RNF135: variants seen among roughly 807,000 people sequenced by gnomAD.
The protein encoded by RNF135 is ring finger protein 135.
RNF135 carries 46 observed loss-of-function variants against 41.9 expected under a neutral mutation model. The observed-to-expected ratio is 1.10, with a 90% CI of 0.87 to 1.40. The LOEUF (loss-of-function observed/expected upper bound fraction) is 1.40. Ranked by LOEUF, RNF135 falls within the 40% of genes most tolerant of loss-of-function variation. RNF135 has a pLI of 0.00. For synonymous variants in RNF135, 238 were observed against 223.8 expected, an observed-to-expected ratio of 1.06 and a Z score of -0.57; for missense variants, 539 against 549.8, an observed-to-expected ratio of 0.98 and a Z score of 0.20.
chr17:30,960,720 AT>A, the RNF135 span, among the ~76,000 whole-genome samples: 707 of 126,974 alleles, frequency 5.6e-3, 8 homozygotes, highest in African/African-American at 0.034. Flanking sequence ...ATTTTATTTT[AT>A]TTTATTTTAT....
chr17:30,983,342 TATATATA>T (rs1213627094), intron 1 of RNF135, among the ~76,000 whole-genome samples: 3,634 of 37,668 alleles, frequency 0.096, 192 homozygotes, highest in East Asian at 0.23. Context: ...TATATATATA[TATATATA>T]TATATTTTTT....
intron 2 of RNF135, among the ~76,000 whole-genome samples, chr17:30,985,949 C>T (rs1907551653): frequency 6.6e-6 from 1 of 152,174 alleles, no homozygotes. Context: ...GAATGCTCTC[C>T]TTTCCCTCCA....
intron 3 of RNF135, chr17:30,993,762 T>C: frequency 1.0e-6 from 1 of 981,682 alleles, no homozygotes; most frequent in Non-Finnish European, 1.5e-6. Flanking sequence ...AAAAAATTTT[T>C]TTCCTTTCTT....
At chr17:30,976,148 G>C (rs1206107245) in intron 1 of RNF135, among the ~76,000 whole-genome samples, 1 of 152,154 alleles carries the variant, frequency 6.6e-6, no homozygotes, top group Non-Finnish European at 1.5e-5. Flanking sequence ...TGGGATTACA[G>C]GCACACGCCA....
At chr17:30,971,022 G>C (rs1403659103), upstream of RNF135, 1 of 1,532,276 alleles carries the variant, frequency 6.5e-7, no homozygotes, top group Non-Finnish European at 8.7e-7. Context: ...AGGAGCCTGA[G>C]GAGACTCGCC....
At chr17:30,964,419 T>C in the RNF135 span, among the ~76,000 whole-genome samples, 20 of 144,896 alleles carry the variant, frequency 1.4e-4, no homozygotes, top group East Asian at 1.0e-3. Context: ...AAAAAGAATT[T>C]AGTAAAAACA....
At chr17:30,972,766 T>G (rs529334936) in intron 1 of RNF135, 84 of 152,424 alleles carry the variant, frequency 5.5e-4, no homozygotes, top group African/African-American at 2.0e-3. Context: ...TGGGTGGATG[T>G]GCCACATTTT....
upstream of RNF135, among the ~76,000 whole-genome samples, chr17:30,966,336 T>A (rs1218647590): frequency 2.1e-5 from 3 of 143,020 alleles, no homozygotes; most frequent in East Asian, 5.8e-4. Flanking sequence ...TTATTTGATC[T>A]TTTTTAATTT....
At chr17:30,990,863 C>T (rs1170202254) in intron 3 of RNF135, among the ~76,000 whole-genome samples, 1 of 152,144 alleles carries the variant, frequency 6.6e-6, no homozygotes, top group Non-Finnish European at 1.5e-5. Context: ...CTCAGTATTC[C>T]AATATCTGGG....
chr17:30,988,157 A>G, intron 3 of RNF135, 51 bp downstream of exon 3: 1 of 1,545,676 alleles, frequency 6.5e-7, no homozygotes, highest in Non-Finnish European at 8.9e-7. Flanking sequence ...AGTTGGGGGG[A>G]GTAGCAGAGT....
chr17:30,967,845 G>A (rs1905614238), upstream of RNF135, among the ~76,000 whole-genome samples: 1 of 152,028 alleles, frequency 6.6e-6, no homozygotes, highest in South Asian at 2.1e-4. Flanking sequence ...GGGATTACAG[G>A]TGCCTGCAAC....
At chr17:30,988,711 C>T (rs1308993619) in intron 3 of RNF135, among the ~76,000 whole-genome samples, 2 of 150,880 alleles carry the variant, frequency 1.3e-5, no homozygotes, top group East Asian at 3.9e-4. Context: ...CAGGCGTGAG[C>T]CACCGTGCCT....
intron 1 of RNF135, among the ~76,000 whole-genome samples, chr17:30,977,683 C>T (rs765784051): frequency 2.4e-4 from 36 of 151,990 alleles, no homozygotes; most frequent in Non-Finnish European, 4.6e-4. Context: ...ATTCTCCTGC[C>T]GCAGCCTCTG....
At chr17:30,981,495 T>C (rs1029873798) in intron 1 of RNF135, among the ~76,000 whole-genome samples, 3 of 152,270 alleles carry the variant, frequency 2.0e-5, no homozygotes, top group African/African-American at 7.2e-5. Context: ...TTAAATCAGC[T>C]ATTTTGAATT....
the RNF135 span, among the ~76,000 whole-genome samples, chr17:30,965,832 T>G: frequency 6.6e-6 from 1 of 150,854 alleles, no homozygotes; most frequent in African/African-American, 2.4e-5. Context: ...TGGAAAATCG[T>G]CCTCATGAAC....
intron 2 of RNF135, among the ~76,000 whole-genome samples, chr17:30,986,828 G>A (rs1272139539): frequency 6.6e-6 from 1 of 152,240 alleles, no homozygotes; most frequent in Non-Finnish European, 1.5e-5. Flanking sequence ...ATGTTAAAAT[G>A]TGGGATGTTA....
intron 1 of RNF135, among the ~76,000 whole-genome samples, chr17:30,976,748 T>C (rs1352578254): frequency 6.6e-6 from 1 of 152,236 alleles, no homozygotes; most frequent in Non-Finnish European, 1.5e-5. Flanking sequence ...GTCTGATATA[T>C]GTATAGCTAA....
rs187857617 is a variant in RNF135 at position 30,976,703 on chromosome 17, G to C, written c.372+5258G>C. Among the ~76,000 whole-genome samples, 139 of 151,798 alleles carry C rather than the reference G, an allele frequency of 9.2e-4. 1 individual carries two copies. Among genetic ancestry groups the C allele is most frequent in the Admixed American group, 8.4e-3 (129 of 15,270 alleles). On this transcript the variant is annotated intron_variant, in intron 1 of 4. Coordinates refer to ENST00000328381, the MANE Select transcript of RNF135 (RefSeq NM_032322.4). Reference sequence around the variant, plus strand: ...AATTGACTCCATCATTATAAACTTTGTCTTTTATTATAGATTTTGTTTTGA... The same window carrying C: ...AATTGACTCCATCATTATAAACTTTCTCTTTTATTATAGATTTTGTTTTGA...
At chr17:30,978,614 T>A (rs1012859690) in intron 1 of RNF135, 5 of 150,618 alleles carry the variant, frequency 3.3e-5, no homozygotes, top group Admixed American at 2.6e-4. Flanking sequence ...TTTTTATTTT[T>A]TATTTTTTTT....
Sources: gnomAD v4.1 joint callset for allele counts (sites outside exome capture counted in the v4.1 genomes callset) on GRCh38, gnomAD v4.1.1 for gene constraint, MANE v1.5 for transcripts, NCBI Gene and HGNC (gene_info 2026-07-23, HGNC 2026-07-21) for gene names.